The following AKR1C4 variants were observed in gnomAD, a reference collection of about 807,000 sequenced individuals.
The protein encoded by AKR1C4 is 3-alpha-HSD1.
A neutral mutation model predicts 41.0 loss-of-function variants in AKR1C4; 44 were observed. That is an observed-to-expected ratio of 1.07 (90% CI 0.84 to 1.38). AKR1C4 has a LOEUF of 1.38. AKR1C4 is among the 40% of genes most tolerant of loss of function. The pLI is 0.00. For missense variants in AKR1C4, 438 were observed against 387.9 expected (o/e 1.13, Z -1.09); for synonymous variants, 165 against 137.7 (o/e 1.20, Z -1.39).
intron 5 of AKR1C4, among the ~76,000 whole-genome samples, chr10:5,210,128 G>T (rs146717639): frequency 6.6e-6 from 1 of 152,144 alleles, no homozygotes; most frequent in Non-Finnish European, 1.5e-5. Flanking sequence ...AAACAAAGGG[G>T]CTACATGACC....
intron 1 of AKR1C4, among the ~76,000 whole-genome samples, chr10:5,198,738 G>C (rs1436623515): frequency 3.3e-5 from 5 of 152,190 alleles, no homozygotes; most frequent in Non-Finnish European, 7.3e-5. Context: ...TGTATGCAGT[G>C]ACTCATGCCT....
chr10:5,210,854 C>T (rs1273161212), intron 5 of AKR1C4, among the ~76,000 whole-genome samples: 1 of 152,222 alleles, frequency 6.6e-6, no homozygotes, highest in Non-Finnish European at 1.5e-5. Context: ...TTGTGATCTG[C>T]CTGCCTCAGC....
Position 5,218,882 on chromosome 10 carries a change from C to A in AKR1C4, c.*122C>A, listed in dbSNP as rs1188211445. ...GTTAAATCCCTCCCCTCCTGCTTGGCAACTTCAGCTAGCTAGATATATCCA... is the reference window on the plus strand; with the variant it reads ...GTTAAATCCCTCCCCTCCTGCTTGGAAACTTCAGCTAGCTAGATATATCCA... On this transcript the variant is annotated 3_prime_UTR_variant, in exon 9 of 9. Transcript: ENST00000263126. 2.5e-6 allele frequency: 2 copies of A among 804,042 alleles called. No individual in the cohort carries two copies. The highest frequency in any genetic ancestry group is 4.0e-6 in the Non-Finnish European group (2 of 497,652). 49.8% of individuals were successfully genotyped at this position (804,042 alleles called of 1,614,324 possible).
At chr10:5,205,473 A>G (rs1243237822) in intron 3 of AKR1C4, among the ~76,000 whole-genome samples, 3 of 151,986 alleles carry the variant, frequency 2.0e-5, no homozygotes, top group African/African-American at 7.3e-5. Context: ...ATTTCCCCCA[A>G]AAAAATTATA....
intron 1 of AKR1C4, among the ~76,000 whole-genome samples, chr10:5,197,639 C>A (rs1832331327): frequency 6.6e-6 from 1 of 152,156 alleles, no homozygotes; most frequent in Non-Finnish European, 1.5e-5. Flanking sequence ...CGGAAGTGGG[C>A]AAAATGGAGA....
At chr10:5,211,480 A>C (rs1832574880) in intron 5 of AKR1C4, among the ~76,000 whole-genome samples, 1 of 148,532 alleles carries the variant, frequency 6.7e-6, no homozygotes, top group Admixed American at 6.8e-5. Flanking sequence ...CAAAATGTCA[A>C]TTTCTGCTAA....
chr10:5,203,214 C>A (rs955679214), intron 2 of AKR1C4, among the ~76,000 whole-genome samples: 8 of 152,014 alleles, frequency 5.3e-5, no homozygotes, highest in African/African-American at 1.9e-4. Context: ...TTCCTGCTTT[C>A]CCCCGGGGTT....
chr10:5,218,898 G>A lies in AKR1C4; in HGVS notation c.*138G>A, dbSNP rs144984942. On this transcript the variant is annotated 3_prime_UTR_variant, in exon 9 of 9. Coordinates refer to ENST00000263126, the MANE Select transcript of AKR1C4 (RefSeq NM_001818.5). ...CCTGCTTGGCAACTTCAGCTAGCTA[G>A]ATATATCCATGGTCCAGAAAGCAAA... The A allele has an allele frequency of 8.2e-4, 528 of 641,010 alleles. 1 individual carries two copies. The African/African-American group carries it at 9.0e-3, about 11-fold the overall frequency. 39.7% of individuals were successfully genotyped at this position (641,010 alleles called of 1,614,324 possible).
chr10:5,210,938 C>A (rs1276875255), intron 5 of AKR1C4, among the ~76,000 whole-genome samples: 1 of 152,224 alleles, frequency 6.6e-6, no homozygotes, highest in Non-Finnish European at 1.5e-5. Context: ...CTTCTGTGCA[C>A]ACATAGGCTC....
rs188681408 is a variant in AKR1C4 at position 5,202,254 on chromosome 10, T to C, written c.252+1906T>C. Among the ~76,000 whole-genome samples, 61 of 152,280 alleles carry C rather than the reference T, an allele frequency of 4.0e-4. 1 individual carries two copies. The highest frequency in any genetic ancestry group is 3.5e-3 in the Admixed American group (53 of 15,290). Reference sequence around the variant, plus strand: ...TCATCTCTTTGGTTAAGCATATTCTTAGGGATTTTATTTGCAGCTGTTGTA... The same window carrying C: ...TCATCTCTTTGGTTAAGCATATTCTCAGGGATTTTATTTGCAGCTGTTGTA... On this transcript the variant is annotated intron_variant, in intron 2 of 8. Transcript: ENST00000263126.
In AKR1C4 at chr10:5,198,725, G is replaced by T. The variant is rs138042015; in HGVS notation, c.85-1456G>T. 6.6e-3 allele frequency among the ~76,000 whole-genome samples: 1,010 copies of T among 152,304 alleles called. 5 individuals carry two copies. The highest frequency in any genetic ancestry group is 0.011 in the Non-Finnish European group (740 of 68,026). ...TTCACTATATTAAAAATAATTAGGAGTGTGTATGCAGTGACTCATGCCTGT... is the reference window on the plus strand; with the variant it reads ...TTCACTATATTAAAAATAATTAGGATTGTGTATGCAGTGACTCATGCCTGT... On this transcript the variant is annotated intron_variant, in intron 1 of 8. Coordinates refer to ENST00000263126, the MANE Select transcript of AKR1C4 (RefSeq NM_001818.5).
chr10:5,202,486 T>A (rs1564400722), intron 2 of AKR1C4: 4 of 455,726 alleles, frequency 8.8e-6, no homozygotes, highest in South Asian at 6.2e-5. Flanking sequence ...CAATTTGGAT[T>A]CCCTTTATTT....
chr10:5,202,102 A>C (rs1224988272), intron 2 of AKR1C4, among the ~76,000 whole-genome samples: 3 of 152,082 alleles, frequency 2.0e-5, no homozygotes, highest in African/African-American at 7.2e-5. Flanking sequence ...TTGTGGTTCC[A>C]TATGAATTTG....
At position 5,200,416 on chromosome 10, in the gene AKR1C4, T is replaced by C. The variant is rs180808193; in HGVS notation, c.252+68T>C. 103 of 1,529,270 alleles carry C rather than the reference T, an allele frequency of 6.7e-5. 1 individual carries two copies. The Admixed American group carries it at 2.0e-3, about 29-fold the overall frequency. The allele number at this position is 1,529,270 out of a possible 1,614,324, so 94.7% of individuals were successfully genotyped here. A position where few individuals can be genotyped will look rare whatever the true frequency, so the allele number is the denominator to read the frequency against. The stretch of plus-strand genomic sequence containing the variant: ...GGATTGTGTGGAGATGACAATTCTG[T>C]AACTGGTTCAGTAGTTGTGGGTGAA... On this transcript the variant is annotated intron_variant, in intron 2 of 8. Transcript: ENST00000263126.
intron 4 of AKR1C4, 89 bp downstream of exon 4, chr10:5,205,923 A>G: frequency 7.7e-7 from 1 of 1,296,052 alleles, no homozygotes; most frequent in East Asian, 2.3e-5. Flanking sequence ...TGGAATATGC[A>G]CCATTGGAAC....
At position 5,213,659 on chromosome 10, in the gene AKR1C4, A is replaced by C. The variant is rs562768730; in HGVS notation, c.846+500A>C. Among the ~76,000 whole-genome samples the C allele has an allele frequency of 3.9e-5, 6 of 152,320 alleles. No individual in the cohort carries two copies. In the South Asian group the frequency reaches 1.2e-3, roughly 32 times the overall value. Reference sequence around the variant, plus strand: ...AACTTATTAAAGAAAACCTCTCAACATAGAGGTTTAATACAAAACCATTTA... The same window carrying C: ...AACTTATTAAAGAAAACCTCTCAACCTAGAGGTTTAATACAAAACCATTTA... On this transcript the variant is annotated intron_variant, in intron 7 of 8. Coordinates refer to ENST00000263126, the MANE Select transcript of AKR1C4 (RefSeq NM_001818.5).
At chr10:5,210,552 C>T (rs936039602) in intron 5 of AKR1C4, among the ~76,000 whole-genome samples, 16 of 151,996 alleles carry the variant, frequency 1.1e-4, no homozygotes, top group South Asian at 4.1e-4. Flanking sequence ...GACATTCAGG[C>T]GTTTCTATAC....
At chr10:5,217,024 A>T (rs192013583) in intron 8 of AKR1C4, among the ~76,000 whole-genome samples, 247 of 152,360 alleles carry the variant, frequency 1.6e-3, no homozygotes, top group Middle Eastern at 3.4e-3. Context: ...TCCTGACTCC[A>T]TGGAAATTTC....
Position 5,218,756 on chromosome 10 carries a change from A to G in AKR1C4, c.968A>G (p.Tyr323Cys), listed in dbSNP as rs781989291. ...CCTGATTATCCATTTTCAGATGAAT[A>G]TTAGCATAGAGGGTGTTGCACGACA... ...DHPDYPFSDE[Y>C] The change falls in exon 9 of 9, where the codon TAT (tyrosine) becomes TGT (cysteine). Residue 323 changes from tyrosine (Y) to cysteine (C), a missense_variant. Tyr to Cys is a radical substitution (Grantham distance 194). Transcript: ENST00000263126. The G allele has an allele frequency of 6.2e-7, 1 of 1,604,590 alleles. No individual in the cohort carries two copies. The highest frequency in any genetic ancestry group is 1.7e-5 in the Admixed American group (1 of 59,994).
Sources: gnomAD v4.1 joint callset for allele counts (sites outside exome capture counted in the v4.1 genomes callset) on GRCh38, gnomAD v4.1.1 for gene constraint, MANE v1.5 for transcripts, NCBI Gene and HGNC (gene_info 2026-07-23, HGNC 2026-07-21) for gene names.